Variants in PLEKHA7 observed in about 807,000 individuals in gnomAD.
PLEKHA7 encodes pleckstrin homology domain containing A7.
A neutral mutation model predicts 170.0 loss-of-function variants in PLEKHA7; 104 were observed. That is an observed-to-expected ratio of 0.61 (90% CI 0.52 to 0.72). The LOEUF is 0.72. Among genes scored for constraint, PLEKHA7 ranks in the 30% least tolerant of loss-of-function variants. PLEKHA7 has a pLI of 0.00. For missense variants in PLEKHA7, 1,615 were observed against 1,671.7 expected, an observed-to-expected ratio of 0.97 and a Z score of 0.59; for synonymous variants, 648 against 660.8, an observed-to-expected ratio of 0.98 and a Z score of 0.30.
At chr11:16,840,073 G>A (rs1198200168) in intron 9 of PLEKHA7, among the ~76,000 whole-genome samples, 1 of 152,114 alleles carries the variant, frequency 6.6e-6, no homozygotes, top group Non-Finnish European at 1.5e-5. Flanking sequence ...GAAAAATGCA[G>A]GCTGGATGAC....
At chr11:16,994,567 T>C (rs1358624135) in intron 3 of PLEKHA7, among the ~76,000 whole-genome samples, 2 of 152,116 alleles carry the variant, frequency 1.3e-5, no homozygotes, top group Non-Finnish European at 2.9e-5. Context: ...CTTCCTCCCG[T>C]ACAGCCTCAG....
intron 4 of PLEKHA7, among the ~76,000 whole-genome samples, chr11:16,858,846 T>C (rs967325186): frequency 1.3e-5 from 2 of 152,126 alleles, no homozygotes; most frequent in Non-Finnish European, 2.9e-5. Context: ...CCTTACAATC[T>C]TGACATTTAA....
intron 3 of PLEKHA7, among the ~76,000 whole-genome samples, chr11:16,936,326 C>T (rs565720736): frequency 4.5e-5 from 6 of 132,724 alleles, no homozygotes; most frequent in South Asian, 2.5e-4. Flanking sequence ...TGCTTGAACC[C>T]GGGAGGCGGA....
chr11:16,896,442 A>G (rs1856998890), intron 3 of PLEKHA7, among the ~76,000 whole-genome samples: 1 of 152,138 alleles, frequency 6.6e-6, no homozygotes, highest in Non-Finnish European at 1.5e-5. Context: ...GCACCTAGAA[A>G]TGCTGGAAGG....
Position 16,872,309 on chromosome 11 carries a change from G to GACCT in PLEKHA7, c.222-1131_222-1128dup, listed in dbSNP as rs1325626753. On this transcript the variant is annotated intron_variant, in intron 3 of 26. Coordinates refer to ENST00000531066, the MANE Select transcript of PLEKHA7 (RefSeq NM_001329630.2). ...ATGTAGAAAGTAAAAAGTCACCCATGACCTCTCTATGTGGAGATATACCCG... is the reference window on the plus strand; with the variant it reads ...ATGTAGAAAGTAAAAAGTCACCCATGACCTACCTCTCTATGTGGAGATATACCCG... Among the ~76,000 whole-genome samples the GACCT allele has an allele frequency of 6.6e-5, 10 of 152,058 alleles. No homozygotes were observed. The East Asian group carries it at 1.9e-3, about 30-fold the overall frequency.
rs759781810 is a variant in PLEKHA7 at position 16,817,436 on chromosome 11, C to T, written c.1344-114G>A. The T allele has an allele frequency of 1.8e-6, 2 of 1,085,976 alleles. No individual in the cohort carries two copies. The highest frequency in any genetic ancestry group is 5.6e-5 in the Admixed American group (2 of 35,852). 67.3% of individuals were successfully genotyped at this position (1,085,976 alleles called of 1,614,324 possible). A position where few individuals can be genotyped will look rare whatever the true frequency, so the allele number is the denominator to read the frequency against. On this transcript the variant is annotated intron_variant, in intron 10 of 26. Transcript: ENST00000531066. The surrounding 1 kb of genome is among the most constrained non-coding windows in gnomAD (Gnocchi z 4.4). ...GGCATGTGGGACAGTCCTGTAAGAACCTCAAAAGAATGATCAAGGCCGACA... is the reference window on the plus strand; with the variant it reads ...GGCATGTGGGACAGTCCTGTAAGAATCTCAAAAGAATGATCAAGGCCGACA...
rs1210768425 is a variant in PLEKHA7, at chr11:16,841,611, T to C, written c.808A>G (p.Met270Val). Residue 270 changes from methionine (M) to valine (V), a missense_variant, in exon 9 of 27, where the codon ATG becomes GTG. Coordinates refer to ENST00000531066, the MANE Select transcript of PLEKHA7 (RefSeq NM_001329630.2). ...YYFSADTQED[M>V]NAWVRAMNQA... is the part of the protein sequence containing the mutation. ...TTCATGGCCCTGACCCAAGCGTTCATGTCCTCCTGGGTGTCGGCACTGAAG... is the reference window on the plus strand; with the variant it reads ...TTCATGGCCCTGACCCAAGCGTTCACGTCCTCCTGGGTGTCGGCACTGAAG... 1.4e-5 allele frequency: 22 copies of C among 1,614,010 alleles called. No homozygotes were observed. Among genetic ancestry groups the C allele is most frequent in the Non-Finnish European group, 1.8e-5 (21 of 1,180,036 alleles).
intron 3 of PLEKHA7, among the ~76,000 whole-genome samples, chr11:16,990,288 A>AAAAAAAAAAAACC (rs1565186065): frequency 1.7e-5 from 1 of 58,964 alleles, no homozygotes; most frequent in Non-Finnish European, 3.2e-5. Context: ...AAAAAAAAAA[A>AAAAAAAAAAAACC]AAAAAAAAAA....
intron 3 of PLEKHA7, among the ~76,000 whole-genome samples, chr11:17,009,013 C>A (rs1865174002): frequency 6.6e-6 from 1 of 152,192 alleles, no homozygotes; most frequent in Non-Finnish European, 1.5e-5. Flanking sequence ...CCAGGGGGTA[C>A]TGCCCTTCCA....
intron 4 of PLEKHA7, among the ~76,000 whole-genome samples, chr11:16,859,607 G>A (rs1324301081): frequency 6.6e-6 from 1 of 152,218 alleles, no homozygotes; most frequent in Non-Finnish European, 1.5e-5. Flanking sequence ...TGATACATTT[G>A]TTTCAGCCAG....
intron 3 of PLEKHA7, among the ~76,000 whole-genome samples, chr11:16,938,674 T>A (rs1860477828): frequency 6.6e-6 from 1 of 152,186 alleles, no homozygotes; most frequent in Non-Finnish European, 1.5e-5. Flanking sequence ...AACATTCACA[T>A]GTTGGAAGGC....
At chr11:16,814,121 C>A (rs1435210349) in intron 12 of PLEKHA7, among the ~76,000 whole-genome samples, 2 of 152,124 alleles carry the variant, frequency 1.3e-5, no homozygotes, top group Non-Finnish European at 2.9e-5. Flanking sequence ...CATGGGAATG[C>A]CTGAAGGACA....
chr11:16,801,815 G>A lies in PLEKHA7; in HGVS notation c.2160C>T (p.Asp720=). ...ACACCTCCAGCACAGATTCTAGCTG[G>A]TCCTGCACCACGAAGGGCCAAAAAA... ...DKIRALKENK[D]QLESVLEVLH... Residue 720 remains aspartate, a splice_region_variant and synonymous_variant, in exon 16 of 27, where the codon GAC becomes GAT. Transcript: ENST00000531066. The A allele has an allele frequency of 6.2e-7, 1 of 1,614,032 alleles. No individual in the cohort carries two copies.
At chr11:16,797,541 T>G (rs1366544868) in intron 17 of PLEKHA7, among the ~76,000 whole-genome samples, 1 of 152,084 alleles carries the variant, frequency 6.6e-6, no homozygotes, top group Non-Finnish European at 1.5e-5. Context: ...ACAACAGAAG[T>G]CCAAAGCCTC....
At chr11:16,925,332 C>T (rs889033945) in intron 3 of PLEKHA7, among the ~76,000 whole-genome samples, 15 of 152,218 alleles carry the variant, frequency 9.9e-5, no homozygotes, top group Non-Finnish European at 1.8e-4. Context: ...AGCCGGGCGC[C>T]GGCTCAATGA....
intron 12 of PLEKHA7, among the ~76,000 whole-genome samples, chr11:16,813,539 T>C (rs1022010314): frequency 1.3e-5 from 2 of 152,196 alleles, no homozygotes; most frequent in Non-Finnish European, 2.9e-5. Context: ...TCAGTCATCA[T>C]CACTCCAATT....
chr11:16,800,722 C>T (rs1848538148), intron 17 of PLEKHA7, among the ~76,000 whole-genome samples: 1 of 152,134 alleles, frequency 6.6e-6, no homozygotes, highest in Non-Finnish European at 1.5e-5. Context: ...TTCTAAAACA[C>T]CCAAGAGCTT....
At chr11:16,973,731 C>T (rs1862868890) in intron 3 of PLEKHA7, among the ~76,000 whole-genome samples, 2 of 152,322 alleles carry the variant, frequency 1.3e-5, no homozygotes, top group South Asian at 4.1e-4. Context: ...CCCTGTCTGC[C>T]TCCAAAGTCC....
At position 16,887,425 on chromosome 11, in the gene PLEKHA7, G is replaced by T. The variant is rs113928197; in HGVS notation, c.222-16243C>A. On this transcript the variant is annotated intron_variant, in intron 3 of 26. Coordinates refer to ENST00000531066, the MANE Select transcript of PLEKHA7 (RefSeq NM_001329630.2). ...GGTCTCCCTCTCCCTCTCTTTCCAC[G>T]GTCTCCCTCCGATGCCGAGTCGAAG... Among the ~76,000 whole-genome samples, 281 of 150,258 alleles carry T rather than the reference G, an allele frequency of 1.9e-3. 3 individuals are homozygous for T. Among genetic ancestry groups the T allele is most frequent in the African/African-American group, 6.5e-3 (266 of 40,652 alleles).
Sources: allele counts gnomAD v4.1 joint callset (sites outside exome capture counted in the v4.1 genomes callset), GRCh38; gene constraint gnomAD v4.1.1; non-coding constraint Gnocchi (gnomAD v3.1); transcripts MANE v1.5; gene names NCBI Gene and HGNC (gene_info 2026-07-23, HGNC 2026-07-21).